The following ABR variants were observed in gnomAD, a reference collection of about 807,000 sequenced individuals.
ABR encodes ABR activator of RhoGEF and GTPase.
Under a neutral mutation model 107.2 loss-of-function variants are expected in ABR, and 35 were observed. The observed-to-expected ratio is 0.33, with a 90% CI of 0.25 to 0.43. The LOEUF is 0.43. Ranked by LOEUF, ABR falls within the 20% of genes least tolerant of loss-of-function variation. The pLI is 1.00. For synonymous variants in ABR, 498 were observed against 462.0 expected (o/e 1.08, Z -1.00); for missense variants, 815 against 1,115.2 (o/e 0.73, Z 3.83).
chr17:1,204,117 C>T (rs1192895930), intron 1 of ABR, among the ~76,000 whole-genome samples: 2 of 152,164 alleles, frequency 1.3e-5, no homozygotes, highest in Non-Finnish European at 2.9e-5. Context: ...CTGGATTCCA[C>T]CAGGGGCATC....
chr17:1,114,212 T>C (rs973532650), intron 2 of ABR, among the ~76,000 whole-genome samples: 4 of 148,646 alleles, frequency 2.7e-5, no homozygotes, highest in African/African-American at 5.0e-5. Context: ...GGCTCACGCC[T>C]TTAATCCCGC....
At chr17:1,034,522 C>T (rs188617373) in intron 16 of ABR, among the ~76,000 whole-genome samples, 7 of 152,270 alleles carry the variant, frequency 4.6e-5, no homozygotes, top group Admixed American at 1.3e-4. Flanking sequence ...CAAAATGCCA[C>T]GAACATCGAG....
At chr17:1,130,682 G>A (rs2039786166) in intron 1 of ABR, among the ~76,000 whole-genome samples, 1 of 152,196 alleles carries the variant, frequency 6.6e-6, no homozygotes, top group African/African-American at 2.4e-5. Context: ...CTTTGTAGAT[G>A]TGAATAAATG....
chr17:1,140,320 A>C (rs2040239192), intron 1 of ABR, among the ~76,000 whole-genome samples: 1 of 152,140 alleles, frequency 6.6e-6, no homozygotes, highest in Non-Finnish European at 1.5e-5. Flanking sequence ...ACATGTCTGG[A>C]CTGAGAAGAC....
chr17:1,120,943 G>A (rs1387492612), intron 2 of ABR, among the ~76,000 whole-genome samples: 10 of 152,184 alleles, frequency 6.6e-5, no homozygotes, highest in Non-Finnish European at 1.3e-4. Flanking sequence ...CTGTGGGGAG[G>A]CGGGTTTTCT....
At chr17:1,191,354 C>CTTTTTTTTTTTT (rs761910557), upstream of ABR, among the ~76,000 whole-genome samples, 18 of 96,486 alleles carry the variant, frequency 1.9e-4, no homozygotes, top group East Asian at 8.5e-4. Flanking sequence ...TTTTTCTTTT[C>CTTTTTTTTTTTT]TTTTTTTTTT....
intron 7 of ABR, among the ~76,000 whole-genome samples, chr17:1,073,303 CCCCCCGAGCAGCTGGGAGAGAAA>C (rs1190838278): frequency 1.3e-5 from 2 of 152,064 alleles, no homozygotes; most frequent in Non-Finnish European, 2.9e-5. Flanking sequence ...GGAGGCTCAT[CCCCCCGAGCAGCTGGGAGAGAAA>C]CCCTGTGTCT....
At chr17:1,079,468 G>A in intron 5 of ABR, 78 bp from the exon 6 acceptor site, 1 of 1,365,584 alleles carries the variant, frequency 7.3e-7, no homozygotes, top group Non-Finnish European at 1.0e-6. Flanking sequence ...CTGGCAAGAA[G>A]GGGAGTTCTG....
intron 1 of ABR, among the ~76,000 whole-genome samples, chr17:1,175,014 T>C (rs116041434): frequency 0.016 from 2,368 of 151,630 alleles, 64 homozygotes; most frequent in African/African-American, 0.054. Flanking sequence ...TCTAATCCCA[T>C]GGGATTGGGA....
At chr17:1,221,631 A>G (rs770350870) in intron 1 of ABR, among the ~76,000 whole-genome samples, 1 of 152,156 alleles carries the variant, frequency 6.6e-6, no homozygotes, top group African/African-American at 2.4e-5. Context: ...ATCAGCCCTT[A>G]AAGGAGGGGT....
intron 1 of ABR, among the ~76,000 whole-genome samples, chr17:1,193,376 C>G (rs2042479155): frequency 6.6e-6 from 1 of 151,812 alleles, no homozygotes; most frequent in Non-Finnish European, 1.5e-5. Flanking sequence ...TATTTACGTT[C>G]TAGGCACCCT....
rs12603911 is a variant in ABR at position 1,018,200 on chromosome 17, C to A, written c.1792-5036G>T. Among the ~76,000 whole-genome samples the A allele has an allele frequency of 3.5e-3, 532 of 151,956 alleles. 4 individuals carry two copies. The highest frequency in any genetic ancestry group is 0.014 in the Middle Eastern group (4 of 292). ...TGGGACTACAGGCGCCCGCCACCAC[C>A]CCCGGCTAATTTTTTGTATTTTTAG... On this transcript the variant is annotated intron_variant, in intron 16 of 22. Transcript: ENST00000302538.
At chr17:1,040,847 G>A (rs2030291792) in intron 16 of ABR, among the ~76,000 whole-genome samples, 1 of 152,236 alleles carries the variant, frequency 6.6e-6, no homozygotes. Context: ...GATGGAGAAA[G>A]CTAGACTCAG....
chr17:1,185,768 G>A lies in ABR; in HGVS notation c.-78+1032C>T, dbSNP rs890205937. On this transcript the variant is annotated intron_variant, in intron 1 of 22. Transcript: ENST00000544583. ...ATACAAACTCTCCTGTCAGATCCTG[G>A]GGTGGCCTGTTTTCCGTGCTTTGCT... 2.0e-5 allele frequency among the ~76,000 whole-genome samples: 3 copies of A among 151,886 alleles called. No individual in the cohort carries two copies. The South Asian group carries it at 6.2e-4, about 32-fold the overall frequency.
intron 4 of ABR, among the ~76,000 whole-genome samples, chr17:1,086,296 C>T (rs2036586695): frequency 6.6e-6 from 1 of 152,178 alleles, no homozygotes; most frequent in Non-Finnish European, 1.5e-5. Flanking sequence ...ACTTTTCCTC[C>T]TCATAGTGGA....
chr17:1,146,892 GCCACTGCCA>G (rs111392532), intron 1 of ABR, among the ~76,000 whole-genome samples: 25,438 of 147,136 alleles, frequency 0.17, 2,526 homozygotes, highest in African/African-American at 0.28. Flanking sequence ...CACCACTGCC[GCCACTGCCA>G]CCACTGCCAC....
chr17:1,055,531 CT>C lies in ABR; in HGVS notation c.1561+503del, dbSNP rs768195007. 402 of 142,692 alleles carry C rather than the reference CT, an allele frequency of 2.8e-3. 2 individuals are homozygous for C. Among genetic ancestry groups the C allele is most frequent in the African/African-American group, 5.7e-3 (225 of 39,134 alleles). 8.8% of individuals were successfully genotyped at this position (142,692 alleles called of 1,614,324 possible). ...TCCACGTGTTTGTCGCACTCGGTTTCTTTTTTTTTTTTTTGAGACGGATTCT... is the reference window on the plus strand; with the variant it reads ...TCCACGTGTTTGTCGCACTCGGTTTCTTTTTTTTTTTTTGAGACGGATTCT... On this transcript the variant is annotated intron_variant, in intron 14 of 22. Coordinates refer to ENST00000302538, the MANE Select transcript of ABR (RefSeq NM_021962.5).
At chr17:1,052,396 G>A (rs1285184240) in intron 14 of ABR, among the ~76,000 whole-genome samples, 5 of 135,188 alleles carry the variant, frequency 3.7e-5, no homozygotes, top group African/African-American at 1.4e-4. Flanking sequence ...AGGGCTCACA[G>A]GGTCAGAGGG....
chr17:1,101,192 A>G (rs1282497180), intron 2 of ABR: 4 of 168,220 alleles, frequency 2.4e-5, no homozygotes, highest in Admixed American at 1.1e-4. Context: ...CCAGGCTGGT[A>G]TAGAACTCCT....
Sources: allele counts gnomAD v4.1 joint callset (sites outside exome capture counted in the v4.1 genomes callset), GRCh38; gene constraint gnomAD v4.1.1; transcripts MANE v1.5; gene names NCBI Gene and HGNC (gene_info 2026-07-23, HGNC 2026-07-21).